The following ANKDD1A variants were observed in gnomAD, a reference collection of about 807,000 sequenced individuals.
ANKDD1A encodes ankyrin repeat and death domain containing 1A, also known as ankyrin repeat and death domain-containing protein 1A.
ANKDD1A carries 59 observed loss-of-function variants against 63.5 expected under a neutral mutation model. The observed-to-expected ratio is 0.93, with a 90% CI of 0.75 to 1.15. The LOEUF (loss-of-function observed/expected upper bound fraction) is 1.15, where lower values mean the gene tolerates loss of function less well. ANKDD1A is among the 50% of genes most tolerant of loss of function. ANKDD1A has a pLI of 0.00. For synonymous variants in ANKDD1A, 266 were observed against 263.9 expected, an observed-to-expected ratio of 1.01 and a Z score of -0.08; for missense variants, 632 against 656.4, an observed-to-expected ratio of 0.96 and a Z score of 0.41.
chr15:64,931,525 C>A lies in ANKDD1A; in HGVS notation c.708C>A (p.Ser236=). ...LTALHSAAGG[S]HPDCVQLLLR... The stretch of plus-strand genomic sequence containing the variant: ...CCCTGCATTCGGCTGCTGGAGGATC[C>A]CACCCTGACTGTGTGCAGCTCCTCC... The change falls in exon 8 of 15, where the codon TCC becomes TCA. Residue 236 remains serine, a synonymous_variant. Transcript: ENST00000319580. The A allele has an allele frequency of 2.5e-6, 4 of 1,614,060 alleles. No homozygotes were observed. The highest frequency in any genetic ancestry group is 3.4e-6 in the Non-Finnish European group (4 of 1,180,004).
At chr15:64,952,988 CT>C (rs1312915876) in intron 14 of ANKDD1A, among the ~76,000 whole-genome samples, 213 of 17,304 alleles carry the variant, frequency 0.012, 1 homozygote, top group African/African-American at 0.023. Flanking sequence ...GTCTCTCCTT[CT>C]TCTCCTTCTT....
intron 4 of ANKDD1A, among the ~76,000 whole-genome samples, chr15:64,924,949 G>A (rs1032919542): frequency 2.0e-5 from 3 of 152,102 alleles, no homozygotes; most frequent in Admixed American, 1.3e-4. Flanking sequence ...ACACTGGGCC[G>A]GGCGTGGTGG....
chr15:64,947,626 C>T (rs1286949670), intron 13 of ANKDD1A, 33 bp downstream of exon 13: 1 of 1,607,448 alleles, frequency 6.2e-7, no homozygotes, highest in Admixed American at 1.7e-5. Flanking sequence ...CCTAAGCAAC[C>T]ATTGGGCGGA....
intron 14 of ANKDD1A, among the ~76,000 whole-genome samples, chr15:64,954,704 CTTCT>C (rs1372692772): frequency 1.2e-4 from 15 of 125,502 alleles, no homozygotes; most frequent in African/African-American, 4.7e-4. Flanking sequence ...TGTTCTTCTC[CTTCT>C]TCTTCTCCTT....
At chr15:64,942,624 G>T in intron 10 of ANKDD1A, 59 bp downstream of exon 10, 22 of 1,426,422 alleles carry the variant, frequency 1.5e-5, no homozygotes, top group Non-Finnish European at 2.1e-5. Flanking sequence ...CTCCCAGGCT[G>T]GCAGGCTTGG....
At chr15:64,947,745 C>T (rs1053840460) in intron 13 of ANKDD1A, 152 bp downstream of exon 13, 8 of 885,944 alleles carry the variant, frequency 9.0e-6, no homozygotes, top group Admixed American at 2.7e-5. Flanking sequence ...CTCTGTCCCT[C>T]CTCCAGGCCT....
At chr15:64,949,804 C>A in intron 13 of ANKDD1A, 37 bp from the exon 14 acceptor site, 1 of 1,593,626 alleles carries the variant, frequency 6.3e-7, no homozygotes, top group East Asian at 2.2e-5. Context: ...CCCATTGGCT[C>A]CTTCTCCCTC....
chr15:64,945,413 C>T (rs1174075601), intron 12 of ANKDD1A, among the ~76,000 whole-genome samples: 1 of 151,798 alleles, frequency 6.6e-6, no homozygotes, highest in Non-Finnish European at 1.5e-5. Flanking sequence ...AGTACCTGTA[C>T]AGCCATGCTG....
In ANKDD1A at chr15:64,947,640, G is replaced by A. The variant is rs1231083235; in HGVS notation, c.1351+47G>A. 10 of 1,588,452 alleles carry A rather than the reference G, an allele frequency of 6.3e-6. No individual in the cohort carries two copies. The Admixed American group carries it at 1.2e-4, about 20-fold the overall frequency. ...CCCTAAGCAACCATTGGGCGGAGGG[G>A]TGGGACACCTGAAATGTGTTCAGTT... On this transcript the variant is annotated intron_variant, in intron 13 of 14. Transcript: ENST00000319580.
At position 64,917,592 on chromosome 15, in the gene ANKDD1A, G is replaced by T; in HGVS notation, c.267+78G>T. Reference sequence around the variant, plus strand: ...TCTCTGGGTCTATGAGCCAGTTGCCGAGATTGCTGCTAATATGCAGACATT... The same window carrying T: ...TCTCTGGGTCTATGAGCCAGTTGCCTAGATTGCTGCTAATATGCAGACATT... On this transcript the variant is annotated intron_variant, in intron 3 of 14. Coordinates refer to ENST00000319580, the MANE Select transcript of ANKDD1A (RefSeq NM_182703.6). 3 of 1,496,364 alleles carry T rather than the reference G, an allele frequency of 2.0e-6. No homozygotes were observed. In the South Asian group the frequency reaches 3.9e-5, roughly 19 times the overall value. 92.7% of individuals were successfully genotyped at this position (1,496,364 alleles called of 1,614,324 possible). A position where few individuals can be genotyped will look rare whatever the true frequency, so the allele number is the denominator to read the frequency against.
intron 14 of ANKDD1A, among the ~76,000 whole-genome samples, chr15:64,952,011 A>G (rs1490341060): frequency 1.0e-4 from 10 of 96,898 alleles, no homozygotes; most frequent in African/African-American, 4.0e-4. Flanking sequence ...TTCTTCTTCC[A>G]TCTTCTATCT....
intron 14 of ANKDD1A, among the ~76,000 whole-genome samples, chr15:64,952,737 CCTCCTTCTTT>C (rs763731760): frequency 6.0e-5 from 7 of 116,432 alleles, no homozygotes; most frequent in Admixed American, 9.8e-5. Flanking sequence ...TCTCCTTCTT[CCTCCTTCTTT>C]CCTCTTCTCC....
At chr15:64,937,383 A>T (rs115085832) in intron 9 of ANKDD1A, among the ~76,000 whole-genome samples, 1 of 152,180 alleles carries the variant, frequency 6.6e-6, no homozygotes, top group Non-Finnish European at 1.5e-5. Context: ...CTAGGAGACA[A>T]TGTAATAAAC....
At position 64,926,902 on chromosome 15, in the gene ANKDD1A, T is replaced by G. The variant is rs1465897368; in HGVS notation, c.473T>G (p.Leu158Arg). 1 of 1,614,076 alleles carries G rather than the reference T, an allele frequency of 6.2e-7. No homozygotes were observed. Among genetic ancestry groups the G allele is most frequent in the Non-Finnish European group, 8.5e-7 (1 of 1,179,980 alleles). ...EDVALDHVDK[L>R]GRTAFHRAAE... is the part of the protein sequence containing the mutation. ...CACACCGCTTCTCCTCCCGGCCAGC[T>G]GGGGAGGACGGCGTTTCACAGGGCA... The change falls in exon 6 of 15, where the codon CTG becomes CGG. Residue 158 changes from leucine to arginine, a missense_variant and splice_region_variant. Transcript: ENST00000319580.
intron 8 of ANKDD1A, among the ~76,000 whole-genome samples, chr15:64,933,790 C>T (rs1030799906): frequency 8.3e-5 from 1 of 12,108 alleles, no homozygotes; most frequent in Non-Finnish European, 3.6e-3. Context: ...TGCAGTGAGC[C>T]GAGATTGTGC....
intron 14 of ANKDD1A, among the ~76,000 whole-genome samples, chr15:64,952,464 T>A (rs1357010700): frequency 6.7e-6 from 1 of 149,380 alleles, no homozygotes; most frequent in East Asian, 2.0e-4. Context: ...TTCTTCTCCT[T>A]CTTCCTTCTC....
chr15:64,912,484 A>G (rs1595844275), intron 1 of ANKDD1A, among the ~76,000 whole-genome samples: 1 of 152,160 alleles, frequency 6.6e-6, no homozygotes, highest in Non-Finnish European at 1.5e-5. Context: ...TGGGGCACGC[A>G]CTCAGAGGAG....
intron 10 of ANKDD1A, 113 bp from the exon 11 acceptor site, chr15:64,943,371 C>T: frequency 1.2e-6 from 1 of 825,212 alleles, no homozygotes. Context: ...AAACATTCTG[C>T]ATTAAAGAAA....
intron 6 of ANKDD1A, among the ~76,000 whole-genome samples, chr15:64,927,427 A>G (rs1298061274): frequency 2.6e-5 from 4 of 152,092 alleles, no homozygotes; most frequent in African/African-American, 4.8e-5. Flanking sequence ...TGCTATGGTT[A>G]TGGCAGGAAT....
Sources: allele counts gnomAD v4.1 joint callset (sites outside exome capture counted in the v4.1 genomes callset), GRCh38; gene constraint gnomAD v4.1.1; transcripts MANE v1.5; gene names NCBI Gene and HGNC (gene_info 2026-07-23, HGNC 2026-07-21).